LPIN1: variants seen among roughly 807,000 people sequenced by gnomAD.
LPIN1 encodes the protein phosphatidate phosphatase LPIN1.
LPIN1 carries 71 observed loss-of-function variants against 107.5 expected under a neutral mutation model. The ratio of observed to expected loss-of-function variants is 0.66; its 90% CI spans 0.55 to 0.80. LPIN1 has a LOEUF of 0.80. Among genes scored for constraint, LPIN1 ranks in the 30% least tolerant of loss-of-function variants. The probability of loss-of-function intolerance (pLI) is 0.00; values close to 1 mark genes in which losing one functional copy is unlikely to be tolerated. For missense variants in LPIN1, 1,043 were observed against 1,160.6 expected (o/e 0.90, Z 1.47); for synonymous variants, 445 against 452.6 (o/e 0.98, Z 0.21).
At chr2:11,766,770 C>A (rs1317795475) in intron 2 of LPIN1, among the ~76,000 whole-genome samples, 3 of 141,964 alleles carry the variant, frequency 2.1e-5, no homozygotes, top group Non-Finnish European at 4.6e-5. Context: ...AAAACAAACA[C>A]AAACAAACAA....
rs2716639 is a variant in LPIN1, at chr2:11,825,415, A to G, written c.*624A>G. On this transcript the variant is annotated 3_prime_UTR_variant, in exon 21 of 21. Coordinates refer to ENST00000674199, the MANE Select transcript of LPIN1 (RefSeq NM_001349206.2). This position sits in a 1 kb window ranked among gnomAD's most constrained non-coding sequence, Gnocchi z 4.1. Reference sequence around the variant, plus strand: ...GACTAGTCTCATTTTTAGGTGATAAATTTTTCTTTAATTCCTTTGGTTAAA... The same window carrying G: ...GACTAGTCTCATTTTTAGGTGATAAGTTTTTCTTTAATTCCTTTGGTTAAA... 0.8 allele frequency: 122,394 copies of G among 153,080 alleles called. 49,850 individuals are homozygous for G. Among genetic ancestry groups the G allele is most frequent in the African/African-American group, 0.92 (38,006 of 41,496 alleles). The allele number at this position is 153,080 out of a possible 1,614,324, so 9.5% of individuals were successfully genotyped here.
chr2:11,773,655 A>G lies in LPIN1; in HGVS notation c.632A>G (p.Asp211Gly). 6.2e-7 allele frequency: 1 copy of G among 1,611,944 alleles called. No homozygotes were observed. Among genetic ancestry groups the G allele is most frequent in the Non-Finnish European group, 8.5e-7 (1 of 1,178,306 alleles). ...AATGATATACCTCCATTCCAAGATG[A>G]TATTCCTGAGGAAAACCTCTCCCTG... Reference protein sequence around the residue: ...LPNDIPPFQDDIPEENLSLAV... With the variant: ...LPNDIPPFQDGIPEENLSLAV... The change falls in exon 5 of 21, where the codon GAT becomes GGT. Residue 211 changes from aspartate to glycine, a missense_variant. By Grantham distance (94) the Asp-to-Gly change is moderately conservative. Coordinates refer to ENST00000674199, the MANE Select transcript of LPIN1 (RefSeq NM_001349206.2).
chr2:11,698,188 T>C (rs1256354448), intron 1 of LPIN1, among the ~76,000 whole-genome samples: 1 of 152,206 alleles, frequency 6.6e-6, no homozygotes, highest in African/African-American at 2.4e-5. Context: ...TGGCAAGCCC[T>C]GACTCAGGCT....
chr2:11,821,757 A>T (rs1681564840), intron 20 of LPIN1, among the ~76,000 whole-genome samples: 1 of 152,172 alleles, frequency 6.6e-6, no homozygotes, highest in South Asian at 2.1e-4. Flanking sequence ...TTCTAGGCTA[A>T]CAGGAGTCCT....
In LPIN1 at chr2:11,700,169, G is replaced by A. The variant is rs186814147; in HGVS notation, c.82-13587G>A. ...CATCCACGTGTCAGGTGTGACTCAG[G>A]TTCTGGAAGGCCTGTGTCCATTGTT... is the stretch of plus-strand genomic sequence containing the variant. On this transcript the variant is annotated intron_variant, in intron 1 of 21. Coordinates refer to the LPIN1 transcript ENST00000449576. Among the ~76,000 whole-genome samples, 355 of 152,252 alleles carry A rather than the reference G, an allele frequency of 2.3e-3. 2 individuals are homozygous for A. The highest frequency in any genetic ancestry group is 8.3e-3 in the African/African-American group (344 of 41,554).
chr2:11,779,359 C>T (rs1037446295), intron 6 of LPIN1, among the ~76,000 whole-genome samples, 160 bp from the exon 7 acceptor site: 1 of 152,210 alleles, frequency 6.6e-6, no homozygotes, highest in Non-Finnish European at 1.5e-5. Flanking sequence ...CGCTTCCCTG[C>T]CCCCTGGTGG....
At chr2:11,753,665 C>T (rs1200934259) in intron 1 of LPIN1, among the ~76,000 whole-genome samples, 1 of 152,214 alleles carries the variant, frequency 6.6e-6, no homozygotes, top group African/African-American at 2.4e-5. Flanking sequence ...CCTCTTTTGT[C>T]ACAGGTAATT....
intron 2 of LPIN1, among the ~76,000 whole-genome samples, chr2:11,714,110 C>T (rs1360368333): frequency 6.6e-6 from 1 of 152,206 alleles, no homozygotes; most frequent in Non-Finnish European, 1.5e-5. Flanking sequence ...TCAATGGCTC[C>T]CCAGTGCCAA....
At chr2:11,743,116 A>G (rs761950460), upstream of LPIN1, among the ~76,000 whole-genome samples, 2 of 151,986 alleles carry the variant, frequency 1.3e-5, no homozygotes, top group Admixed American at 6.6e-5. This position sits in a 1 kb window ranked among gnomAD's most constrained non-coding sequence, Gnocchi z 4.7. Flanking sequence ...CAGACTGTGC[A>G]CTCCCTGAGG....
intron 1 of LPIN1, among the ~76,000 whole-genome samples, chr2:11,764,043 C>A (rs1670315300): frequency 8.2e-6 from 1 of 122,676 alleles, no homozygotes; most frequent in South Asian, 2.8e-4. Flanking sequence ...AGAGCAAGAT[C>A]CTATCTTCAA....
chr2:11,778,295 G>A (rs1042865668), intron 6 of LPIN1, among the ~76,000 whole-genome samples: 2 of 152,224 alleles, frequency 1.3e-5, no homozygotes, highest in African/African-American at 4.8e-5. Flanking sequence ...CTGCCCCGTG[G>A]CAGCACGTCA....
chr2:11,759,138 T>C (rs995457310), intron 1 of LPIN1, among the ~76,000 whole-genome samples: 11 of 41,374 alleles, frequency 2.7e-4, no homozygotes, highest in African/African-American at 5.9e-4. Context: ...CTTTCTTTTC[T>C]TTCTTTCTTT....
chr2:11,796,773 G>A (rs928900428), intron 14 of LPIN1, among the ~76,000 whole-genome samples: 1 of 152,194 alleles, frequency 6.6e-6, no homozygotes, highest in Admixed American at 6.5e-5. Flanking sequence ...ATGGAGCCCA[G>A]GCCAAGGACA....
intron 14 of LPIN1, 117 bp from the exon 15 acceptor site, chr2:11,802,790 G>T (rs889290256): frequency 8.2e-7 from 1 of 1,223,886 alleles, no homozygotes; most frequent in Admixed American, 1.7e-5. Flanking sequence ...ATGACCACCC[G>T]AGAGACGGGA....
rs566741172 is a variant in LPIN1, at chr2:11,825,209, A to G, written c.*418A>G. On this transcript the variant is annotated 3_prime_UTR_variant, in exon 21 of 21. Transcript: ENST00000674199. This position sits in a 1 kb window ranked among gnomAD's most constrained non-coding sequence, Gnocchi z 4.1. The stretch of plus-strand genomic sequence containing the variant: ...ATGCCAGATGTGCACGGTTTTTGGC[A>G]AAGTAGGGGGCACATTTCCATTATA... The G allele has an allele frequency of 5.9e-4, 146 of 247,714 alleles. No homozygotes were observed. The highest frequency in any genetic ancestry group is 3.2e-3 in the African/African-American group (143 of 44,752). The allele number at this position is 247,714 out of a possible 1,614,324, so 15.3% of individuals were successfully genotyped here.
At chr2:11,746,986 G>C (rs1358146424) in intron 1 of LPIN1, among the ~76,000 whole-genome samples, 1 of 152,236 alleles carries the variant, frequency 6.6e-6, no homozygotes, top group Non-Finnish European at 1.5e-5. Flanking sequence ...GGGGCCACTG[G>C]GGGCTGCCGC....
intron 12 of LPIN1, among the ~76,000 whole-genome samples, chr2:11,788,686 C>T (rs1675109099): frequency 6.6e-6 from 1 of 152,176 alleles, no homozygotes; most frequent in South Asian, 2.1e-4. Flanking sequence ...TCGAGCGGAC[C>T]GAAGATTCCT....
chr2:11,818,371 G>A (rs1340635012), intron 18 of LPIN1: 6 of 152,080 alleles, frequency 3.9e-5, no homozygotes, highest in Non-Finnish European at 8.8e-5. Context: ...TATAATTTTA[G>A]CTGTAAAGGT....
At chr2:11,739,798 C>T (rs1188092425) in intron 1 of LPIN1, among the ~76,000 whole-genome samples, 1 of 152,114 alleles carries the variant, frequency 6.6e-6, no homozygotes, top group Non-Finnish European at 1.5e-5. Context: ...TAAACAGATC[C>T]AGAAATGACA....
Sources: allele counts gnomAD v4.1 joint callset (sites outside exome capture counted in the v4.1 genomes callset), GRCh38; gene constraint gnomAD v4.1.1; non-coding constraint Gnocchi (gnomAD v3.1); transcripts MANE v1.5; gene names NCBI Gene and HGNC (gene_info 2026-07-23, HGNC 2026-07-21).